The following SCNN1B variants were observed in gnomAD, a reference collection of about 807,000 sequenced individuals.
SCNN1B encodes the protein sodium channel epithelial 1 subunit beta, also known as epithelial sodium channel subunit beta.
A neutral mutation model predicts 65.3 loss-of-function variants in SCNN1B; 46 were observed. The ratio of observed to expected loss-of-function variants is 0.70; its 90% CI spans 0.56 to 0.90. The LOEUF is 0.90. Ranked by LOEUF, SCNN1B falls within the 40% of genes least tolerant of loss-of-function variation. The pLI is 0.00. For missense variants in SCNN1B, 751 were observed against 830.5 expected (o/e 0.90, Z 1.18); for synonymous variants, 349 against 330.6 (o/e 1.06, Z -0.60).
intron 1 of SCNN1B, among the ~76,000 whole-genome samples, chr16:23,346,337 C>G (rs1478745125): frequency 6.7e-6 from 1 of 149,806 alleles, no homozygotes; most frequent in African/African-American, 2.5e-5. Context: ...AAGCAGTTCT[C>G]CTGCCTCAGC....
At chr16:23,292,412 T>A (rs758554713) in intron 2 of SCNN1B, among the ~76,000 whole-genome samples, 7 of 152,132 alleles carry the variant, frequency 4.6e-5, no homozygotes, top group Non-Finnish European at 7.4e-5. Flanking sequence ...TTAGTCAGGA[T>A]GGTCTCGATC....
chr16:23,365,627 A>G (rs1192170114), intron 4 of SCNN1B, among the ~76,000 whole-genome samples: 1 of 139,404 alleles, frequency 7.2e-6, no homozygotes, highest in African/African-American at 2.6e-5. Context: ...GAAAAAAGAA[A>G]GAAGTCACAT....
chr16:23,296,482 A>C (rs1342698104), intron 2 of SCNN1B, among the ~76,000 whole-genome samples: 1 of 152,154 alleles, frequency 6.6e-6, no homozygotes, highest in African/African-American at 2.4e-5. Context: ...AGTTTAGCAA[A>C]ACATTTCAGA....
At chr16:23,318,932 A>C (rs1961529518) in intron 1 of SCNN1B, among the ~76,000 whole-genome samples, 1 of 152,202 alleles carries the variant, frequency 6.6e-6, no homozygotes, top group Non-Finnish European at 1.5e-5. Context: ...TTTCATAGTC[A>C]AGTGCTACTA....
intron 10 of SCNN1B, 91 bp from the exon 11 acceptor site, chr16:23,378,615 G>A: frequency 8.4e-7 from 1 of 1,187,770 alleles, no homozygotes; most frequent in Non-Finnish European, 1.3e-6. Flanking sequence ...GGAAGGGACA[G>A]GGCTGTGGTC....
intron 1 of SCNN1B, among the ~76,000 whole-genome samples, chr16:23,310,165 C>T (rs1280104317): frequency 6.6e-6 from 1 of 152,030 alleles, no homozygotes; most frequent in East Asian, 1.9e-4. Context: ...TTGCTTGAGG[C>T]CAGGAGCTTG....
At position 23,371,469 on chromosome 16, in the gene SCNN1B, C is replaced by T; in HGVS notation, c.1044+7C>T. ...GTCCATCGGGGTACTCGTGGTATGG[C>T]CGGAGCCCAAGGGCAGTCCTAGAGG... is the stretch of plus-strand genomic sequence containing the variant. On this transcript the variant is annotated splice_region_variant and intron_variant, in intron 6 of 12. Transcript: ENST00000343070. 1.9e-6 allele frequency: 3 copies of T among 1,613,246 alleles called. No homozygotes were observed. Among genetic ancestry groups the T allele is most frequent in the Non-Finnish European group, 2.5e-6 (3 of 1,179,896 alleles).
intron 2 of SCNN1B, among the ~76,000 whole-genome samples, chr16:23,284,415 A>G (rs771087735): frequency 2.6e-5 from 4 of 152,156 alleles, no homozygotes; most frequent in Non-Finnish European, 4.4e-5. Context: ...AAAAAAATAA[A>G]TAAATAAAAA....
chr16:23,291,742 A>ATT (rs10707900), intron 2 of SCNN1B, among the ~76,000 whole-genome samples: 2 of 131,504 alleles, frequency 1.5e-5, no homozygotes, highest in Non-Finnish European at 1.6e-5. Flanking sequence ...CACGCAGCTA[A>ATT]TTTTTTTTTT....
chr16:23,289,624 C>T (rs1960894930), intron 2 of SCNN1B, among the ~76,000 whole-genome samples: 1 of 150,956 alleles, frequency 6.6e-6, no homozygotes, highest in Non-Finnish European at 1.5e-5. Context: ...TCAAATGGAC[C>T]TACTGTAGGC....
At chr16:23,318,185 G>T (rs951660288) in intron 1 of SCNN1B, among the ~76,000 whole-genome samples, 12 of 152,268 alleles carry the variant, frequency 7.9e-5, no homozygotes, top group Middle Eastern at 6.8e-3. Context: ...TAGCAAAGTG[G>T]TTATGAGAGC....
intron 1 of SCNN1B, among the ~76,000 whole-genome samples, chr16:23,334,109 A>G (rs1961886099): frequency 1.3e-5 from 2 of 152,154 alleles, no homozygotes; most frequent in South Asian, 4.1e-4. Context: ...ATGGAATGAA[A>G]CCGTGGGACA....
At position 23,381,201 on chromosome 16, in the gene SCNN1B, G is replaced by A. The variant is rs150386633; in HGVS notation, c.*400G>A. The A allele has an allele frequency of 3.1e-4, 88 of 279,390 alleles. No individual in the cohort carries two copies. The highest frequency in any genetic ancestry group is 1.6e-3 in the African/African-American group (75 of 46,014). The allele number at this position is 279,390 out of a possible 1,614,324, so 17.3% of individuals were successfully genotyped here. ...TTCCTGGCCTTGGCTGGCCTCTGGG[G>A]CAGGGGTGGTGGAGAGATGGAAGGG... On this transcript the variant is annotated 3_prime_UTR_variant, in exon 13 of 13. Coordinates refer to ENST00000343070, the MANE Select transcript of SCNN1B (RefSeq NM_000336.3).
intron 1 of SCNN1B, among the ~76,000 whole-genome samples, chr16:23,308,311 C>A (rs1961264326): frequency 6.6e-6 from 1 of 152,092 alleles, no homozygotes; most frequent in Non-Finnish European, 1.5e-5. Flanking sequence ...TCAATTGAGG[C>A]CAGGAGTTCA....
At chr16:23,346,882 C>G (rs1011051802) in intron 1 of SCNN1B, among the ~76,000 whole-genome samples, 5 of 152,114 alleles carry the variant, frequency 3.3e-5, no homozygotes, top group Non-Finnish European at 7.4e-5. Flanking sequence ...ATGCAGCCAG[C>G]CTCCACGACA....
intron 1 of SCNN1B, among the ~76,000 whole-genome samples, chr16:23,281,614 A>G (rs1960785892): frequency 6.6e-6 from 1 of 152,168 alleles, no homozygotes; most frequent in South Asian, 2.1e-4. Context: ...GGGTTTTTAC[A>G]TATTCTCACT....
At chr16:23,347,598 A>G (rs550659476) in intron 1 of SCNN1B, among the ~76,000 whole-genome samples, 5 of 152,352 alleles carry the variant, frequency 3.3e-5, no homozygotes, top group Non-Finnish European at 7.3e-5. Flanking sequence ...AATAAATATG[A>G]GCTATACATA....
chr16:23,379,981 C>A, intron 11 of SCNN1B, 113 bp from the exon 12 acceptor site: 1 of 840,660 alleles, frequency 1.2e-6, no homozygotes, highest in Non-Finnish European at 2.1e-6. Flanking sequence ...TGTGTGCATA[C>A]ATGTGGGTGT....
At chr16:23,356,276 T>C (rs1374917726) in intron 4 of SCNN1B, among the ~76,000 whole-genome samples, 1 of 152,144 alleles carries the variant, frequency 6.6e-6, no homozygotes, top group Non-Finnish European at 1.5e-5. Context: ...TAATCGTAGC[T>C]TCTTCATAGG....
Sources: gnomAD v4.1 joint callset for allele counts (sites outside exome capture counted in the v4.1 genomes callset) on GRCh38, gnomAD v4.1.1 for gene constraint, MANE v1.5 for transcripts, NCBI Gene and HGNC (gene_info 2026-07-23, HGNC 2026-07-21) for gene names.